PIKFYVE: variants seen among roughly 807,000 people sequenced by gnomAD.
PIKFYVE encodes the protein 1-phosphatidylinositol 3-phosphate 5-kinase.
A neutral mutation model predicts 257.9 loss-of-function variants in PIKFYVE; 122 were observed. That is an observed-to-expected ratio of 0.47 (90% CI 0.41 to 0.55). PIKFYVE has a LOEUF of 0.55. Ranked by LOEUF, PIKFYVE falls within the 20% of genes least tolerant of loss-of-function variation. PIKFYVE has a pLI of 0.00. For missense variants in PIKFYVE, 2,160 were observed against 2,536.6 expected (o/e 0.85, Z 3.19); for synonymous variants, 892 against 868.9 (o/e 1.03, Z -0.47).
chr2:208,281,687 TCTC>T (rs1320532040), intron 5 of PIKFYVE, among the ~76,000 whole-genome samples: 12 of 152,304 alleles, frequency 7.9e-5, no homozygotes, highest in Admixed American at 3.3e-4. Flanking sequence ...GCCAGGTTAA[TCTC>T]CTCAAATGAG....
chr2:208,320,187 T>C (rs1696049620), intron 16 of PIKFYVE, 65 bp from the exon 17 acceptor site: 2 of 1,565,024 alleles, frequency 1.3e-6, no homozygotes, highest in Admixed American at 1.9e-5. Flanking sequence ...TTTAAAGTTA[T>C]AATTAAAGGA....
In PIKFYVE at chr2:208,346,199, G is replaced by A. The variant is rs75155291; in HGVS notation, c.5209+52G>A. On this transcript the variant is annotated intron_variant, in intron 34 of 41. Coordinates refer to ENST00000264380, the MANE Select transcript of PIKFYVE (RefSeq NM_015040.4). ...ATAATTAGATTTACCTATAATTATG[G>A]TTTGAAAAAGAAAATACATAAAAAC... 5.8e-3 allele frequency: 8,166 copies of A among 1,416,150 alleles called. 342 individuals carry two copies. The African/African-American group carries it at 0.1, about 17-fold the overall frequency. The allele number at this position is 1,416,150 out of a possible 1,614,324, so 87.7% of individuals were successfully genotyped here.
chr2:208,352,640 CTT>C lies in PIKFYVE; in HGVS notation c.5716-13_5716-12del, dbSNP rs1699880746. ...CTTTTTGATAAGAATTTATTTTGAC[CTT>C]CTCTTGATTAGAGGCCCACGGCGTT... On this transcript the variant is annotated splice_polypyrimidine_tract_variant and intron_variant, in intron 38 of 41. Transcript: ENST00000264380. 4 of 1,611,694 alleles carry C rather than the reference CTT, an allele frequency of 2.5e-6. No individual in the cohort carries two copies. Among genetic ancestry groups the C allele is most frequent in the Non-Finnish European group, 3.4e-6 (4 of 1,178,904 alleles).
intron 9 of PIKFYVE, 68 bp downstream of exon 9, chr2:208,301,162 G>GT: frequency 6.4e-7 from 1 of 1,572,648 alleles, no homozygotes. Context: ...TTTGAAGATA[G>GT]TAAGAGTTAC....
At chr2:208,281,246 C>G (rs958066235) in intron 5 of PIKFYVE, among the ~76,000 whole-genome samples, 1 of 152,214 alleles carries the variant, frequency 6.6e-6, no homozygotes, top group Admixed American at 6.5e-5. Flanking sequence ...ATATTTCAAC[C>G]CCATTTAGTG....
At position 208,326,471 on chromosome 2, in the gene PIKFYVE, GT is replaced by G. The variant is rs778933819; in HGVS notation, c.3618+43del. 7.5e-5 allele frequency: 119 copies of G among 1,589,924 alleles called. No homozygotes were observed. The Middle Eastern group carries it at 8.7e-4, about 12-fold the overall frequency. ...TCTGATGCTCCTGTGCATTTAGGAT[GT>G]GTTGAATGACTCCTCAAAGGCAGGC... On this transcript the variant is annotated intron_variant, in intron 20 of 41. Coordinates refer to ENST00000264380, the MANE Select transcript of PIKFYVE (RefSeq NM_015040.4).
At chr2:208,274,417 G>T (rs1689840146) in intron 3 of PIKFYVE, among the ~76,000 whole-genome samples, 1 of 152,214 alleles carries the variant, frequency 6.6e-6, no homozygotes, top group Non-Finnish European at 1.5e-5. Context: ...GGTGACAAAG[G>T]AAGTGGGAGG....
chr2:208,354,118 G>T lies in PIKFYVE; in HGVS notation c.6065G>T (p.Gly2022Val). The change falls in exon 40 of 42, where the codon GGG (glycine) becomes GTG (valine). Residue 2022 changes from glycine (G) to valine (V), a missense_variant. Physicochemically the swap from Gly to Val is moderately radical, Grantham distance 109. Around this residue, in one of 12 missense-constraint regions of PIKFYVE, gnomAD observed 699 missense variants for 855.8 expected, o/e 0.82. Transcript: ENST00000264380. ...ATTATAGATTATTCTTTGCTGGTTG[G>T]GCGAGATGATACTAGCAATGAGCTA... The part of the protein sequence containing the change: ...HLIIDYSLLV[G>V]RDDTSNELVV... The T allele has an allele frequency of 6.2e-7, 1 of 1,613,772 alleles. No individual in the cohort carries two copies. The highest frequency in any genetic ancestry group is 8.5e-7 in the Non-Finnish European group (1 of 1,179,880).
In PIKFYVE at chr2:208,323,573, T is replaced by G. The variant is rs989928376; in HGVS notation, c.2191-569T>G. ...GTGAATAGTGCCGCAATAAACATAC[T>G]TGTGCATGTGTCTTTATAGCAGCAT... On this transcript the variant is annotated intron_variant, in intron 17 of 41. Coordinates refer to ENST00000264380, the MANE Select transcript of PIKFYVE (RefSeq NM_015040.4). Among the ~76,000 whole-genome samples, 15 of 152,176 alleles carry G rather than the reference T, an allele frequency of 9.9e-5. No individual in the cohort carries two copies. The South Asian group carries it at 1.2e-3, about 13-fold the overall frequency.
intron 16 of PIKFYVE, 147 bp downstream of exon 16, chr2:208,318,088 C>T (rs1001081885): frequency 2.5e-6 from 2 of 800,336 alleles, no homozygotes; most frequent in Non-Finnish European, 4.3e-6. Flanking sequence ...TTGGTTGGTT[C>T]AGGGAAGATT....
intron 7 of PIKFYVE, among the ~76,000 whole-genome samples, chr2:208,296,087 C>T (rs762827553): frequency 6.6e-6 from 1 of 152,016 alleles, no homozygotes; most frequent in Admixed American, 6.6e-5. Context: ...TCATTGCAAC[C>T]TCTGCCTCCT....
At chr2:208,338,249 A>G (rs924036869) in intron 28 of PIKFYVE, among the ~76,000 whole-genome samples, 1 of 152,084 alleles carries the variant, frequency 6.6e-6, no homozygotes, top group Non-Finnish European at 1.5e-5. Context: ...ACGTGTTTAA[A>G]TGTTACTTAT....
Position 208,314,356 on chromosome 2 carries a change from T to C in PIKFYVE, c.1759T>C (p.Trp587Arg). The change falls in exon 14 of 42, where the codon TGG becomes CGG. Residue 587 changes from tryptophan to arginine, a missense_variant. Trp to Arg is a moderately radical substitution (Grantham distance 101). Coordinates refer to ENST00000264380, the MANE Select transcript of PIKFYVE (RefSeq NM_015040.4). ...SKELPFTPLG[W>R]HHNNLELLRE... ...AGAGCTGCCTTTCACACCTTTGGGC[T>C]GGCATCATAACAACCTGGAGCTCCT... The C allele has an allele frequency of 6.2e-7, 1 of 1,614,008 alleles. No homozygotes were observed. Among genetic ancestry groups the C allele is most frequent in the African/African-American group, 1.3e-5 (1 of 75,064 alleles).
chr2:208,284,548 A>G (rs1366199856), intron 5 of PIKFYVE, among the ~76,000 whole-genome samples: 2 of 152,170 alleles, frequency 1.3e-5, no homozygotes. Context: ...GGCGTGAGCC[A>G]CCGTGCCCGG....
At chr2:208,343,259 C>T (rs1366600394) in intron 32 of PIKFYVE, among the ~76,000 whole-genome samples, 1 of 152,180 alleles carries the variant, frequency 6.6e-6, no homozygotes, top group African/African-American at 2.4e-5. Context: ...TATCCCTTCT[C>T]TCAGTTTACT....
chr2:208,352,614 C>A, intron 38 of PIKFYVE, 40 bp from the exon 39 acceptor site: 1 of 1,603,460 alleles, frequency 6.2e-7, no homozygotes, highest in South Asian at 1.1e-5. Context: ...TATAAATAAC[C>A]CTTTTTGATA....
intron 20 of PIKFYVE, among the ~76,000 whole-genome samples, chr2:208,327,722 G>A (rs927997126): frequency 2.0e-5 from 3 of 152,096 alleles, no homozygotes; most frequent in African/African-American, 7.2e-5. Context: ...TTCTTCATAT[G>A]CTTCTATACT....
At chr2:208,337,504 A>T (rs557748930) in intron 28 of PIKFYVE, among the ~76,000 whole-genome samples, 1 of 151,758 alleles carries the variant, frequency 6.6e-6, no homozygotes, top group East Asian at 1.9e-4. Context: ...CCTTACACCT[A>T]ATAATCTTGT....
At chr2:208,271,367 T>C (rs1048079247) in intron 1 of PIKFYVE, 144 bp from the exon 2 acceptor site, 4 of 774,336 alleles carry the variant, frequency 5.2e-6, no homozygotes, top group African/African-American at 3.5e-5. Context: ...CTTTGGAATA[T>C]ATGAAGCTAG....
Sources: gnomAD v4.1 joint callset for allele counts (sites outside exome capture counted in the v4.1 genomes callset) on GRCh38, gnomAD v4.1.1 for gene constraint, gnomAD v4.1.1 regional missense constraint, MANE v1.5 for transcripts, NCBI Gene and HGNC (gene_info 2026-07-23, HGNC 2026-07-21) for gene names.